The following ERBB4 variants were observed in gnomAD, a reference collection of about 807,000 sequenced individuals.
ERBB4 encodes erb-b2 receptor tyrosine kinase 4, also known as receptor tyrosine-protein kinase erbB-4.
A neutral mutation model predicts 158.0 loss-of-function variants in ERBB4; 42 were observed. The ratio of observed to expected loss-of-function variants is 0.27; its 90% CI spans 0.21 to 0.34. The LOEUF (loss-of-function observed/expected upper bound fraction) is 0.34. Among genes scored for constraint, ERBB4 ranks in the 10% least tolerant of loss-of-function variants. ERBB4 has a pLI of 1.00. For missense variants in ERBB4, 1,333 were observed against 1,624.1 expected, an observed-to-expected ratio of 0.82 and a Z score of 3.08; for synonymous variants, 583 against 558.7, an observed-to-expected ratio of 1.04 and a Z score of -0.61.
At chr2:212,135,546 A>G (rs1217711875) in intron 1 of ERBB4, among the ~76,000 whole-genome samples, 1 of 152,136 alleles carries the variant, frequency 6.6e-6, no homozygotes, top group Non-Finnish European at 1.5e-5. Flanking sequence ...TTTTTATTTC[A>G]TAACATTTCT....
At position 211,618,744 on chromosome 2, in the gene ERBB4, C is replaced by G. The variant is rs1052362904; in HGVS notation, c.2301+433G>C. ...TGACTTATTACCACCACCACATAGTCTTTCTAACACTCTTCAGTGCAACTA... is the reference window on the plus strand; with the variant it reads ...TGACTTATTACCACCACCACATAGTGTTTCTAACACTCTTCAGTGCAACTA... On this transcript the variant is annotated intron_variant, in intron 19 of 27. Coordinates refer to ENST00000342788, the MANE Select transcript of ERBB4 (RefSeq NM_005235.3). Among the ~76,000 whole-genome samples the G allele has an allele frequency of 5.3e-5, 8 of 152,104 alleles. No homozygotes were observed. In the East Asian group the frequency reaches 1.5e-3, roughly 29 times the overall value.
intron 3 of ERBB4, among the ~76,000 whole-genome samples, chr2:211,794,112 C>A (rs1304059795): frequency 6.6e-6 from 1 of 151,888 alleles, no homozygotes; most frequent in Non-Finnish European, 1.5e-5. Context: ...TGAAAATCAG[C>A]TTAAGATAGA....
chr2:211,782,246 T>C (rs1379464015), intron 4 of ERBB4, among the ~76,000 whole-genome samples: 4 of 151,904 alleles, frequency 2.6e-5, no homozygotes, highest in African/African-American at 9.7e-5. Flanking sequence ...CAATTCCCCA[T>C]GTCTGCACTC....
chr2:211,523,412 G>A (rs1289885286), intron 20 of ERBB4, among the ~76,000 whole-genome samples: 1 of 151,092 alleles, frequency 6.6e-6, no homozygotes, highest in African/African-American at 2.4e-5. Flanking sequence ...GAATTGGTGG[G>A]TTCTTGGTCT....
chr2:212,435,653 G>A (rs1236064181), intron 1 of ERBB4, among the ~76,000 whole-genome samples: 8 of 151,784 alleles, frequency 5.3e-5, no homozygotes, highest in Non-Finnish European at 1.0e-4. Context: ...ACTTTATCAT[G>A]CACACACGAA....
At chr2:212,087,180 C>G (rs950966847) in intron 2 of ERBB4, among the ~76,000 whole-genome samples, 4 of 152,018 alleles carry the variant, frequency 2.6e-5, no homozygotes, top group Admixed American at 2.6e-4. Context: ...CATACACACA[C>G]ACACACACAC....
intron 3 of ERBB4, among the ~76,000 whole-genome samples, chr2:211,899,039 C>A (rs2125026296): frequency 6.6e-6 from 1 of 152,156 alleles, no homozygotes; most frequent in South Asian, 2.1e-4. Flanking sequence ...CCTATTATAA[C>A]AATAAATATT....
chr2:212,161,312 A>G (rs1309477491), intron 1 of ERBB4, among the ~76,000 whole-genome samples: 3 of 151,874 alleles, frequency 2.0e-5, no homozygotes, highest in African/African-American at 7.2e-5. Context: ...GTGTCCCCAT[A>G]CTAACATAAT....
chr2:211,731,675 T>G lies in ERBB4; in HGVS notation c.623-6481A>C, dbSNP rs2074431069. Among the ~76,000 whole-genome samples, 3 of 152,114 alleles carry G rather than the reference T, an allele frequency of 2.0e-5. No individual in the cohort carries two copies. The South Asian group carries it at 6.2e-4, about 32-fold the overall frequency. The stretch of plus-strand genomic sequence containing the variant: ...ATTCAAAATTTATTCCTATTAATGA[T>G]GAAATTGTGACTAAAAAACTGAACA... On this transcript the variant is annotated intron_variant, in intron 5 of 27. Coordinates refer to ENST00000342788, the MANE Select transcript of ERBB4 (RefSeq NM_005235.3).
intron 3 of ERBB4, among the ~76,000 whole-genome samples, chr2:211,913,141 G>T (rs1370133570): frequency 6.6e-6 from 1 of 152,100 alleles, no homozygotes; most frequent in South Asian, 2.1e-4. Flanking sequence ...TAATCAATCT[G>T]CCTCTTGTCA....
chr2:212,138,531 AC>A (rs1415483990), intron 1 of ERBB4, among the ~76,000 whole-genome samples: 2 of 151,984 alleles, frequency 1.3e-5, no homozygotes, highest in Non-Finnish European at 1.5e-5. Context: ...TACCAAGCAG[AC>A]CCTCACCAGA....
intron 1 of ERBB4, among the ~76,000 whole-genome samples, chr2:212,484,333 T>C (rs1689866623): frequency 1.3e-5 from 2 of 152,186 alleles, no homozygotes; most frequent in South Asian, 4.1e-4. Flanking sequence ...ATGAACCAAG[T>C]TGCTTGTATT....
intron 22 of ERBB4, among the ~76,000 whole-genome samples, chr2:211,425,267 C>A (rs2063601688): frequency 6.6e-6 from 1 of 151,998 alleles, no homozygotes. Context: ...TTTCCTATTG[C>A]CATCTGTAAT....
At chr2:212,129,268 T>C (rs1575674696) in intron 1 of ERBB4, among the ~76,000 whole-genome samples, 1 of 151,638 alleles carries the variant, frequency 6.6e-6, no homozygotes, top group African/African-American at 2.4e-5. Context: ...ATAATCTAAA[T>C]GAAAATGTTC....
At chr2:211,973,089 G>A (rs1289102129) in intron 2 of ERBB4, among the ~76,000 whole-genome samples, 2 of 151,456 alleles carry the variant, frequency 1.3e-5, no homozygotes, top group East Asian at 3.9e-4. Flanking sequence ...GAAAACAAAC[G>A]ACCCCACAAA....
At position 211,788,174 on chromosome 2, in the gene ERBB4, A is replaced by G. The variant is rs2076210536; in HGVS notation, c.422-15T>C. On this transcript the variant is annotated splice_polypyrimidine_tract_variant and intron_variant, in intron 3 of 27. Coordinates refer to ENST00000342788, the MANE Select transcript of ERBB4 (RefSeq NM_005235.3). ...ATTTAGGATTTCTGTATTAAAAAAC[A>G]AATAAACAAATTTTTTGTCAAACTG... The G allele has an allele frequency of 3.7e-6, 6 of 1,605,492 alleles. No homozygotes were observed. The highest frequency in any genetic ancestry group is 5.1e-6 in the Non-Finnish European group (6 of 1,173,186).
intron 1 of ERBB4, among the ~76,000 whole-genome samples, chr2:212,491,477 A>T (rs1269758607): frequency 6.6e-6 from 1 of 151,514 alleles, no homozygotes; most frequent in East Asian, 1.9e-4. Flanking sequence ...AAGGAAAGGA[A>T]CTCATTTCAC....
intron 17 of ERBB4, 45 bp downstream of exon 17, chr2:211,630,417 G>C (rs186249788): frequency 6.2e-7 from 1 of 1,608,750 alleles, no homozygotes. Flanking sequence ...TTCTAAACCT[G>C]ATGAAAATCC....
chr2:212,275,680 C>G (rs2085505216), intron 1 of ERBB4, among the ~76,000 whole-genome samples: 1 of 151,726 alleles, frequency 6.6e-6, no homozygotes, highest in South Asian at 2.1e-4. Context: ...GAAGGAAGCA[C>G]TAAATATGGA....
Sources: gnomAD v4.1 joint callset for allele counts (sites outside exome capture counted in the v4.1 genomes callset) on GRCh38, gnomAD v4.1.1 for gene constraint, MANE v1.5 for transcripts, NCBI Gene and HGNC (gene_info 2026-07-23, HGNC 2026-07-21) for gene names.